The following SPAG17 variants were observed in gnomAD, a reference collection of about 807,000 sequenced individuals.
The protein encoded by SPAG17 is sperm-associated antigen 17.
SPAG17 carries 169 observed loss-of-function variants against 273.6 expected under a neutral mutation model. That is an observed-to-expected ratio of 0.62 (90% CI 0.55 to 0.70). The LOEUF (loss-of-function observed/expected upper bound fraction) is 0.70. Among genes scored for constraint, SPAG17 ranks in the 30% least tolerant of loss-of-function variants. SPAG17 has a pLI of 0.00. For missense variants in SPAG17, 2,557 were observed against 2,627.8 expected, an observed-to-expected ratio of 0.97 and a Z score of 0.59; for synonymous variants, 825 against 873.2, an observed-to-expected ratio of 0.94 and a Z score of 0.97.
chr1:118,003,459 C>G (rs1480437116), intron 32 of SPAG17, among the ~76,000 whole-genome samples: 1 of 152,232 alleles, frequency 6.6e-6, no homozygotes, highest in Admixed American at 6.5e-5. Flanking sequence ...TCAGGTCCAT[C>G]AGTCAAACAT....
chr1:118,039,292 C>T lies in SPAG17; in HGVS notation c.3319G>A (p.Glu1107Lys). The T allele has an allele frequency of 6.2e-7, 1 of 1,612,180 alleles. No individual in the cohort carries two copies. Residue 1107 changes from glutamate (E) to lysine (K), a missense_variant and splice_region_variant, in exon 23 of 49, where the codon GAA becomes AAA. Coordinates refer to ENST00000336338, the MANE Select transcript of SPAG17 (RefSeq NM_206996.4). ...EGDEEQSLET[E>K]VSDAKNKAFS... ...AAGAAACCACTAAACAGCAGCTTAC[C>T]CGTTTCAAGACTTTGTTCCTCATCT...
At chr1:118,048,849 T>C (rs185681731) in intron 20 of SPAG17, among the ~76,000 whole-genome samples, 2 of 152,140 alleles carry the variant, frequency 1.3e-5, no homozygotes, top group Non-Finnish European at 2.9e-5. Flanking sequence ...TGAGCCGGGA[T>C]TGCACCACTG....
chr1:118,153,868 G>GA (rs1460773181), intron 1 of SPAG17, among the ~76,000 whole-genome samples: 6 of 151,212 alleles, frequency 4.0e-5, no homozygotes, highest in Non-Finnish European at 5.9e-5. Context: ...AAAGAAAAAA[G>GA]AAAAAAAAGA....
intron 31 of SPAG17, among the ~76,000 whole-genome samples, chr1:118,007,097 C>T (rs1557898042): frequency 6.6e-6 from 1 of 151,854 alleles, no homozygotes; most frequent in African/African-American, 2.4e-5. Context: ...GAATCACAAA[C>T]TTTTTTTTGA....
intron 43 of SPAG17, among the ~76,000 whole-genome samples, chr1:117,979,011 G>A (rs2101572918): frequency 6.6e-6 from 1 of 152,154 alleles, no homozygotes; most frequent in East Asian, 1.9e-4. Context: ...GGGATTACAG[G>A]TGCATGCCAC....
At chr1:118,014,046 A>C (rs561197780) in intron 29 of SPAG17, among the ~76,000 whole-genome samples, 1 of 152,296 alleles carries the variant, frequency 6.6e-6, no homozygotes, top group East Asian at 1.9e-4. Flanking sequence ...ATTTTGTTTC[A>C]TATGCCAGTT....
chr1:118,028,313 T>A lies in SPAG17; in HGVS notation c.3691A>T (p.Ser1231Cys), dbSNP rs1003955600. The change falls in exon 26 of 49, where the codon AGT (serine) becomes TGT (cysteine). Residue 1231 changes from serine to cysteine, a missense_variant. Transcript: ENST00000336338. ...CCAATGAAAGTCAACAGGAGCCCACTGGGGCAAGACACATTTAGGCTCTGG... is the reference window on the plus strand; with the variant it reads ...CCAATGAAAGTCAACAGGAGCCCACAGGGGCAAGACACATTTAGGCTCTGG... ...TFQSLNVSCP[S>C]GLLLTFIGQE... 6.2e-7 allele frequency: 1 copy of A among 1,613,666 alleles called. No individual in the cohort carries two copies.
chr1:118,165,817 G>A (rs1656700947), intron 1 of SPAG17, among the ~76,000 whole-genome samples: 1 of 151,742 alleles, frequency 6.6e-6, no homozygotes, highest in African/African-American at 2.4e-5. Context: ...AGCTAATTTT[G>A]TATTTTTTGT....
intron 1 of SPAG17, among the ~76,000 whole-genome samples, chr1:118,167,408 G>T (rs1255032537): frequency 1.3e-5 from 2 of 152,014 alleles, no homozygotes; most frequent in African/African-American, 4.8e-5. Flanking sequence ...GCCTCCAGTT[G>T]TGACTGATTT....
At chr1:118,157,632 A>G (rs936316046) in intron 1 of SPAG17, among the ~76,000 whole-genome samples, 1 of 152,212 alleles carries the variant, frequency 6.6e-6, no homozygotes, top group Admixed American at 6.5e-5. Flanking sequence ...GGCCCCTTGA[A>G]GAAGCATGGG....
rs141971217 is a variant in SPAG17 at position 118,130,724 on chromosome 1, G to A, written c.316-15283C>T. On this transcript the variant is annotated intron_variant, in intron 3 of 48. Transcript: ENST00000336338. The stretch of plus-strand genomic sequence containing the variant: ...AAAGACATTAATTCCCCCACCAGGA[G>A]GCCATGTCCAACATGGTTATTCATC... Among the ~76,000 whole-genome samples the A allele has an allele frequency of 4.6e-3, 695 of 152,260 alleles. 7 individuals are homozygous for A. Among genetic ancestry groups the A allele is most frequent in the African/African-American group, 0.016 (666 of 41,538 alleles).
intron 29 of SPAG17, among the ~76,000 whole-genome samples, chr1:118,013,750 A>G (rs562412118): frequency 6.6e-6 from 1 of 152,276 alleles, no homozygotes; most frequent in Admixed American, 6.5e-5. Context: ...AACGCCACAT[A>G]AACAGTGACA....
At position 118,048,722 on chromosome 1, in the gene SPAG17, CCTCT is replaced by C. The variant is rs781745199; in HGVS notation, c.2814+5276_2814+5279del. Among the ~76,000 whole-genome samples the C allele has an allele frequency of 4.6e-5, 7 of 151,850 alleles. No individual in the cohort carries two copies. The South Asian group carries it at 6.3e-4, about 14-fold the overall frequency. On this transcript the variant is annotated intron_variant, in intron 20 of 48. Coordinates refer to ENST00000336338, the MANE Select transcript of SPAG17 (RefSeq NM_206996.4). The stretch of plus-strand genomic sequence containing the variant: ...ACCAGCCTAGCCAATATGGTGAAAC[CCTCT>C]CTCTATTAAAAATACAAAAATTTGC...
In SPAG17 at chr1:118,009,324, C is replaced by T. The variant is rs144480786; in HGVS notation, c.4433-1126G>A. 9.7e-4 allele frequency among the ~76,000 whole-genome samples: 147 copies of T among 151,876 alleles called. 2 individuals are homozygous for T. The highest frequency in any genetic ancestry group is 3.5e-3 in the African/African-American group (144 of 41,416). On this transcript the variant is annotated intron_variant, in intron 30 of 48. Transcript: ENST00000336338. ...AGGTAAGAGATATATTAATTTGCTT[C>T]ACTTAGTCCACTATGTATATGGATA...
chr1:118,062,163 C>G (rs183599460), intron 18 of SPAG17, among the ~76,000 whole-genome samples: 1 of 151,714 alleles, frequency 6.6e-6, no homozygotes, highest in Non-Finnish European at 1.5e-5. Flanking sequence ...GTCAGGAGAT[C>G]GAGACCATCC....
chr1:118,137,679 A>AT (rs942072590), intron 3 of SPAG17, among the ~76,000 whole-genome samples: 3 of 152,144 alleles, frequency 2.0e-5, no homozygotes, highest in South Asian at 4.1e-4. Context: ...TTGCAGAGTG[A>AT]TTTTTTTGGC....
intron 43 of SPAG17, among the ~76,000 whole-genome samples, chr1:117,980,419 A>C (rs1386702055): frequency 6.6e-6 from 1 of 152,132 alleles, no homozygotes; most frequent in Non-Finnish European, 1.5e-5. Flanking sequence ...TTTAGTAGAT[A>C]CAGGGTTTCA....
chr1:118,184,732 AAAC>A (rs1004760670), intron 1 of SPAG17, among the ~76,000 whole-genome samples: 1 of 152,208 alleles, frequency 6.6e-6, no homozygotes, highest in Non-Finnish European at 1.5e-5. Context: ...TTTCAGGAGA[AAAC>A]AAAAAGTCCA....
At chr1:118,060,773 G>T (rs543189460) in intron 18 of SPAG17, among the ~76,000 whole-genome samples, 1 of 152,044 alleles carries the variant, frequency 6.6e-6, no homozygotes, top group African/African-American at 2.4e-5. Flanking sequence ...ATTTCTGAAG[G>T]CTACATTTGC....
Sources: allele counts gnomAD v4.1 joint callset (sites outside exome capture counted in the v4.1 genomes callset), GRCh38; gene constraint gnomAD v4.1.1; transcripts MANE v1.5; gene names NCBI Gene and HGNC (gene_info 2026-07-23, HGNC 2026-07-21).